The following NAV2 variants were observed in gnomAD, a reference collection of about 807,000 sequenced individuals.
NAV2 encodes the protein helicase, APC down-regulated 1.
In NAV2, 54 loss-of-function variants were observed where a neutral mutation model predicts 223.2. That is an observed-to-expected ratio of 0.24 (90% CI 0.19 to 0.30). The LOEUF is 0.30. NAV2 is among the 10% of genes least tolerant of loss of function. NAV2 has a pLI of 1.00. For missense variants in NAV2, 2,806 were observed against 3,147.5 expected, an observed-to-expected ratio of 0.89 and a Z score of 2.60; for synonymous variants, 1,279 against 1,239.3, an observed-to-expected ratio of 1.03 and a Z score of -0.67.
chr11:20,117,118 T>G (rs1019255653), intron 37 of NAV2, among the ~76,000 whole-genome samples: 1 of 152,192 alleles, frequency 6.6e-6, no homozygotes, highest in African/African-American at 2.4e-5. Flanking sequence ...GCACCACATC[T>G]TGGCCCTAGC....
At chr11:19,648,925 A>G (rs1744840269) in intron 1 of NAV2, among the ~76,000 whole-genome samples, 1 of 152,184 alleles carries the variant, frequency 6.6e-6, no homozygotes, top group Non-Finnish European at 1.5e-5. Flanking sequence ...CTGATATCTT[A>G]CTATGCTAAT....
rs1271701531 is a variant in NAV2 at position 20,048,946 on chromosome 11, C to A, written c.4121C>A (p.Ala1374Asp). Residue 1374 changes from alanine to aspartate, a missense_variant, in exon 15 of 38, where the codon GCC becomes GAC. Physicochemically the swap from Ala to Asp is moderately radical, Grantham distance 126. Coordinates refer to ENST00000349880, the MANE Select transcript of NAV2 (RefSeq NM_145117.5). ...QSPLASSPSS[A>D]HSAPSNSLTW... The stretch of plus-strand genomic sequence containing the variant: ...CCGCTAGCCTCCAGCCCCAGCTCAG[C>A]CCACTCGGCCCCTTCCAACAGCCTC... The A allele has an allele frequency of 6.2e-7, 1 of 1,614,186 alleles. No homozygotes were observed. Among genetic ancestry groups the A allele is most frequent in the Non-Finnish European group, 8.5e-7 (1 of 1,180,026 alleles).
chr11:19,793,280 C>T (rs2057669661), intron 1 of NAV2, among the ~76,000 whole-genome samples: 1 of 150,264 alleles, frequency 6.7e-6, no homozygotes, highest in Non-Finnish European at 1.5e-5. Flanking sequence ...CTGGATTTGT[C>T]TCAGTGCATG....
chr11:19,720,373 A>G (rs1018386892), intron 1 of NAV2, among the ~76,000 whole-genome samples: 3 of 152,244 alleles, frequency 2.0e-5, no homozygotes, highest in Admixed American at 2.0e-4. Context: ...AGAGCCAGAG[A>G]ATGACTCATG....
chr11:19,369,787 T>A lies in NAV2; in HGVS notation c.75+18760T>A, dbSNP rs774367788. Among the ~76,000 whole-genome samples, 114 of 152,200 alleles carry A rather than the reference T, an allele frequency of 7.5e-4. 1 individual carries two copies. Among genetic ancestry groups the A allele is most frequent in the Non-Finnish European group, 1.3e-4 (9 of 68,042 alleles). The stretch of plus-strand genomic sequence containing the variant: ...GAGGTTGTTGTGAATATCGAGCCGG[T>A]GCATCAGGAAATCGAAAGATAACAA... On this transcript the variant is annotated intron_variant, in intron 1 of 37. Coordinates refer to the NAV2 transcript ENST00000360655.
chr11:19,879,804 G>GA (rs1391018266), intron 4 of NAV2, 65 bp from the exon 5 acceptor site: 5 of 1,596,210 alleles, frequency 3.1e-6, no homozygotes, highest in Non-Finnish European at 4.3e-6. Context: ...CGTGCCGACT[G>GA]AAACAGCCCA....
At chr11:19,429,011 T>C (rs1381026653) in intron 1 of NAV2, among the ~76,000 whole-genome samples, 5 of 152,058 alleles carry the variant, frequency 3.3e-5, no homozygotes, top group African/African-American at 1.2e-4. Flanking sequence ...AACAGAGAGG[T>C]CACCTGGGGA....
chr11:19,639,060 G>A (rs2047583765), intron 1 of NAV2, among the ~76,000 whole-genome samples: 1 of 152,132 alleles, frequency 6.6e-6, no homozygotes, highest in Non-Finnish European at 1.5e-5. Context: ...AATTGACATA[G>A]CAGGCTTAAG....
At chr11:19,956,914 C>T (rs1382007997) in intron 10 of NAV2, among the ~76,000 whole-genome samples, 1 of 152,110 alleles carries the variant, frequency 6.6e-6, no homozygotes, top group African/African-American at 2.4e-5. Context: ...GCAACCAGCT[C>T]CTATCCTCCA....
rs1304187648 is a variant in NAV2, at chr11:19,858,006, G to A, written c.439-10919G>A. Reference sequence around the variant, plus strand: ...CAAGTCGCTGGGACTACAGGCACCCGCCACCATGCCCGGCTAATTTTTTGT... The same window carrying A: ...CAAGTCGCTGGGACTACAGGCACCCACCACCATGCCCGGCTAATTTTTTGT... On this transcript the variant is annotated intron_variant, in intron 3 of 37. Transcript: ENST00000349880. 3.3e-5 allele frequency among the ~76,000 whole-genome samples: 5 copies of A among 152,206 alleles called. No individual in the cohort carries two copies. In the East Asian group the frequency reaches 9.7e-4, roughly 29 times the overall value.
At chr11:19,666,383 A>G (rs2048410856) in intron 1 of NAV2, among the ~76,000 whole-genome samples, 2 of 152,196 alleles carry the variant, frequency 1.3e-5, no homozygotes, top group Admixed American at 1.3e-4. Context: ...TCCTCCTGTC[A>G]TCACAGTCCC....
In NAV2 at chr11:19,713,866, C is replaced by T; in HGVS notation, c.171C>T (p.Pro57=). The T allele has an allele frequency of 6.2e-7, 1 of 1,613,720 alleles. No homozygotes were observed. The highest frequency in any genetic ancestry group is 1.1e-5 in the South Asian group (1 of 91,082). The change falls in exon 1 of 38, where the codon CCC becomes CCT. Residue 57 remains proline, a synonymous_variant. Coordinates refer to ENST00000349880, the MANE Select transcript of NAV2 (RefSeq NM_145117.5). This position sits in a 1 kb window ranked among gnomAD's most constrained non-coding sequence, Gnocchi z 7.2. ...VSKTTYPSQI[P]LKSQVLQGLQ... ...AGACCACCTATCCTAGCCAGATCCC[C>T]CTGAAATCGCAGGTGCTGCAGGGGC...
intron 11 of NAV2, among the ~76,000 whole-genome samples, chr11:20,035,264 G>C (rs2056234322): frequency 6.6e-6 from 1 of 152,010 alleles, no homozygotes; most frequent in Non-Finnish European, 1.5e-5. Flanking sequence ...ACTGGGTGCT[G>C]GATTAAACGT....
At chr11:19,622,713 T>C (rs2047036930) in intron 1 of NAV2, among the ~76,000 whole-genome samples, 1 of 152,232 alleles carries the variant, frequency 6.6e-6, no homozygotes, top group Non-Finnish European at 1.5e-5. Flanking sequence ...CTTGACTCTT[T>C]ATGCAATTTT....
At chr11:19,467,018 C>CACACACACAG (rs982297137) in intron 1 of NAV2, among the ~76,000 whole-genome samples, 5 of 82,350 alleles carry the variant, frequency 6.1e-5, no homozygotes, top group African/African-American at 1.2e-4. Flanking sequence ...CACACACACA[C>CACACACACAG]AGAGAGAGAG....
chr11:19,727,687 T>C (rs1200160994), intron 1 of NAV2, among the ~76,000 whole-genome samples: 3 of 152,224 alleles, frequency 2.0e-5, no homozygotes, highest in African/African-American at 7.2e-5. Context: ...GATGAAATTA[T>C]TGTCTAATGC....
intron 10 of NAV2, among the ~76,000 whole-genome samples, chr11:19,960,024 A>G (rs1240565821): frequency 1.3e-5 from 2 of 152,174 alleles, no homozygotes; most frequent in African/African-American, 2.4e-5. Flanking sequence ...CCTTAAGTCC[A>G]TTAATCAACA....
At chr11:19,560,837 G>C (rs1249720402) in intron 1 of NAV2, among the ~76,000 whole-genome samples, 1 of 152,202 alleles carries the variant, frequency 6.6e-6, no homozygotes, top group Non-Finnish European at 1.5e-5. Flanking sequence ...TACACACTAA[G>C]TGGGCAAGAG....
At chr11:19,626,523 T>C (rs932831414) in intron 1 of NAV2, among the ~76,000 whole-genome samples, 2 of 152,246 alleles carry the variant, frequency 1.3e-5, no homozygotes, top group African/African-American at 2.4e-5. Flanking sequence ...TCTTTTGTGG[T>C]TCCACACAAA....
Sources: allele counts gnomAD v4.1 joint callset (sites outside exome capture counted in the v4.1 genomes callset), GRCh38; gene constraint gnomAD v4.1.1; non-coding constraint Gnocchi (gnomAD v3.1); transcripts MANE v1.5; gene names NCBI Gene and HGNC (gene_info 2026-07-23, HGNC 2026-07-21).